Variants in MMUT observed in about 807,000 individuals in gnomAD.
The protein encoded by MMUT is methylmalonyl-CoA mutase, also known as methylmalonyl-CoA mutase, mitochondrial.
In MMUT, 79 loss-of-function variants were observed where a neutral mutation model predicts 79.9. The observed-to-expected ratio is 0.99, with a 90% confidence interval of 0.82 to 1.19. MMUT has a LOEUF of 1.19. Ranked by LOEUF, MMUT falls within the 50% of genes most tolerant of loss-of-function variation. The pLI is 0.00. For missense variants in MMUT, 860 were observed against 917.2 expected (o/e 0.94, Z 0.81); for synonymous variants, 273 against 295.7 (o/e 0.92, Z 0.79).
At chr6:49,449,075 C>T in intron 6 of MMUT, 148 bp from the exon 7 acceptor site, 1 of 487,110 alleles carries the variant, frequency 2.1e-6, no homozygotes, top group Non-Finnish European at 3.5e-6. Flanking sequence ...ATTAAATAAA[C>T]ATCAAAGTCA....
intron 6 of MMUT, among the ~76,000 whole-genome samples, 162 bp from the exon 7 acceptor site, chr6:49,449,089 A>G (rs964442010): frequency 6.6e-6 from 1 of 152,108 alleles, no homozygotes; most frequent in Non-Finnish European, 1.5e-5. Flanking sequence ...AAAGTCATTA[A>G]TTAGAATTTG....
At chr6:49,459,929 T>C (rs1581836875) in intron 1 of MMUT, among the ~76,000 whole-genome samples, 1 of 152,190 alleles carries the variant, frequency 6.6e-6, no homozygotes, top group African/African-American at 2.4e-5. Context: ...TGACCGACAT[T>C]ATGTTGGGTA....
At chr6:49,432,671 G>A (rs572786896) in intron 12 of MMUT, among the ~76,000 whole-genome samples, 5 of 152,316 alleles carry the variant, frequency 3.3e-5, no homozygotes, top group South Asian at 4.1e-4. Flanking sequence ...ACAGGCATGA[G>A]CCACCGTGCC....
intron 1 of MMUT, among the ~76,000 whole-genome samples, chr6:49,461,884 T>C (rs1372129450): frequency 1.3e-5 from 2 of 152,104 alleles, no homozygotes; most frequent in African/African-American, 4.8e-5. Context: ...TTTACTAGCT[T>C]AAAAGGTGGA....
At chr6:49,439,417 A>C (rs1767213847) in intron 11 of MMUT, among the ~76,000 whole-genome samples, 1 of 152,106 alleles carries the variant, frequency 6.6e-6, no homozygotes, top group Non-Finnish European at 1.5e-5. Context: ...CATCATTGCT[A>C]TCTGCCACTG....
chr6:49,456,259 A>G, intron 3 of MMUT, 22 bp from the exon 4 acceptor site: 10 of 1,504,760 alleles, frequency 6.6e-6, no homozygotes, highest in Non-Finnish European at 9.2e-6. Context: ...AAAAAATTGT[A>G]ACAGTGAATA....
intron 7 of MMUT, among the ~76,000 whole-genome samples, chr6:49,448,032 C>A (rs144268846): frequency 1.5e-4 from 23 of 151,986 alleles, no homozygotes; most frequent in Middle Eastern, 6.8e-3. Context: ...TACACTTTCC[C>A]ACGGTTTCTA....
chr6:49,440,453 A>G, intron 10 of MMUT, 100 bp from the exon 11 acceptor site: 1 of 1,262,246 alleles, frequency 7.9e-7, no homozygotes, highest in Non-Finnish European at 1.1e-6. Context: ...AAGTTTATTT[A>G]AAAGCACCTA....
intron 12 of MMUT, among the ~76,000 whole-genome samples, chr6:49,432,079 A>G (rs112377715): frequency 2.6e-4 from 39 of 152,172 alleles, no homozygotes; most frequent in African/African-American, 9.2e-4. Flanking sequence ...CACTCCGCCC[A>G]TTTTCTAAAT....
chr6:49,448,336 C>G (rs1767462199), intron 7 of MMUT, among the ~76,000 whole-genome samples: 2 of 152,036 alleles, frequency 1.3e-5, no homozygotes, highest in South Asian at 4.1e-4. Context: ...TAGCACTTAT[C>G]ATGATCTATA....
rs1363621166 is a variant in MMUT at position 49,458,067 on chromosome 6, A to G, written c.386-9T>C. On this transcript the variant is annotated splice_polypyrimidine_tract_variant and intron_variant, in intron 2 of 12. Transcript: ENST00000274813. ...TAATCCCTGCTGACCAGCTAAATAT[A>G]TAAAGAAAAATAATGTAAGATTCAA... 2 of 1,599,022 alleles carry G rather than the reference A, an allele frequency of 1.3e-6. No individual in the cohort carries two copies. Among genetic ancestry groups the G allele is most frequent in the South Asian group, 1.1e-5 (1 of 90,958 alleles).
At chr6:49,443,017 G>A (rs1047963371) in intron 9 of MMUT, among the ~76,000 whole-genome samples, 2 of 151,860 alleles carry the variant, frequency 1.3e-5, no homozygotes, top group African/African-American at 2.4e-5. Flanking sequence ...ACCAGTTAAA[G>A]CAACATATTT....
rs1031879740 is a variant in MMUT, at chr6:49,441,820, T to C, written c.1808+20A>G. The C allele has an allele frequency of 1.3e-5, 21 of 1,606,976 alleles. No individual in the cohort carries two copies. The highest frequency in any genetic ancestry group is 1.7e-5 in the Non-Finnish European group (20 of 1,175,768). ...TAACAGAAAAGATGAAATTCTGGCC[T>C]AAGAAACCTTACATATTACCTCTTG... On this transcript the variant is annotated intron_variant, in intron 10 of 12. Coordinates refer to ENST00000274813, the MANE Select transcript of MMUT (RefSeq NM_000255.4).
chr6:49,459,442 A>G lies in MMUT; in HGVS notation c.25T>C (p.Phe9Leu), dbSNP rs1199433542. Residue 9 changes from phenylalanine (F) to leucine (L), a missense_variant, in exon 2 of 13, where the codon TTT becomes CTT. Transcript: ENST00000274813. MLRAKNQLFLLSPHYLRQV... is the reference protein window; with the variant it reads MLRAKNQLLLLSPHYLRQV... ...CTCAGGTAATGAGGTGAAAGTAAAAAAAGCTGATTCTTAGCTCTTAACATG... is the reference window on the plus strand; with the variant it reads ...CTCAGGTAATGAGGTGAAAGTAAAAGAAGCTGATTCTTAGCTCTTAACATG... 1 of 1,613,090 alleles carries G rather than the reference A, an allele frequency of 6.2e-7. No individual in the cohort carries two copies. Among genetic ancestry groups the G allele is most frequent in the South Asian group, 1.1e-5 (1 of 91,042 alleles).
chr6:49,447,866 A>G (rs1343013296), intron 7 of MMUT, 81 bp from the exon 8 acceptor site: 8 of 800,224 alleles, frequency 1.0e-5, no homozygotes, highest in Non-Finnish European at 1.7e-5. Context: ...TTTTCCTTAT[A>G]AATTTAATAT....
intron 5 of MMUT, among the ~76,000 whole-genome samples, chr6:49,452,613 C>T (rs898343925): frequency 5.0e-4 from 76 of 152,136 alleles, no homozygotes; most frequent in African/African-American, 1.6e-3. Context: ...GATTTACAGG[C>T]GTGAGCCACT....
chr6:49,443,742 C>T, intron 9 of MMUT: 4 of 417,288 alleles, frequency 9.6e-6, no homozygotes, highest in Non-Finnish European at 1.4e-5. Flanking sequence ...TTAATGTCTT[C>T]TCACAAAAAT....
At chr6:49,448,496 T>C (rs1244633411) in intron 7 of MMUT, among the ~76,000 whole-genome samples, 1 of 152,078 alleles carries the variant, frequency 6.6e-6, no homozygotes, top group Non-Finnish European at 1.5e-5. Context: ...GAAGTATTCA[T>C]TGAATGAATG....
chr6:49,459,743 T>C (rs1244801768), intron 1 of MMUT, among the ~76,000 whole-genome samples: 1 of 152,188 alleles, frequency 6.6e-6, no homozygotes, highest in Non-Finnish European at 1.5e-5. Flanking sequence ...CTGACCAGTC[T>C]TACTCCTTTT....
Sources: allele counts gnomAD v4.1 joint callset (sites outside exome capture counted in the v4.1 genomes callset), GRCh38; gene constraint gnomAD v4.1.1; transcripts MANE v1.5; gene names NCBI Gene and HGNC (gene_info 2026-07-23, HGNC 2026-07-21).